Variants in CDH13 observed in about 807,000 individuals in gnomAD.
CDH13 encodes the protein cadherin-13.
A neutral mutation model predicts 63.8 loss-of-function variants in CDH13; 24 were observed. The ratio of observed to expected loss-of-function variants is 0.38; its 90% confidence interval spans 0.27 to 0.53. The LOEUF (loss-of-function observed/expected upper bound fraction) is 0.53. Ranked by LOEUF, CDH13 falls within the 20% of genes least tolerant of loss-of-function variation. The pLI is 0.85. For synonymous variants in CDH13, 503 were observed against 355.3 expected (o/e 1.42, Z -4.67); for missense variants, 1,049 against 903.1 (o/e 1.16, Z -2.07).
chr16:83,003,503 T>C (rs915022287), intron 2 of CDH13, among the ~76,000 whole-genome samples: 6 of 152,198 alleles, frequency 3.9e-5, no homozygotes, highest in African/African-American at 1.4e-4. Context: ...CATATTATCA[T>C]TGATGCAGCT....
At chr16:82,980,326 A>G (rs955311439) in intron 2 of CDH13, among the ~76,000 whole-genome samples, 1 of 152,170 alleles carries the variant, frequency 6.6e-6, no homozygotes, top group African/African-American at 2.4e-5. Context: ...AGAGACTCAC[A>G]GAGTGCTTTG....
chr16:83,695,213 A>C (rs1905260565), intron 10 of CDH13, among the ~76,000 whole-genome samples: 1 of 152,194 alleles, frequency 6.6e-6, no homozygotes, highest in Admixed American at 6.5e-5. Flanking sequence ...TTTCAAAAAA[A>C]AATTATTGCA....
chr16:83,216,327 C>T (rs1428445961), intron 4 of CDH13, among the ~76,000 whole-genome samples: 1 of 143,312 alleles, frequency 7.0e-6, no homozygotes, highest in Admixed American at 7.3e-5. Flanking sequence ...GGCCAGCTTG[C>T]TGACTCATTC....
chr16:83,025,663 G>A (rs375635880), intron 2 of CDH13, among the ~76,000 whole-genome samples: 4 of 152,064 alleles, frequency 2.6e-5, no homozygotes, highest in East Asian at 3.9e-4. Flanking sequence ...ACGTCACAGG[G>A]CTCCTACACA....
intron 7 of CDH13, among the ~76,000 whole-genome samples, chr16:83,536,389 C>T (rs1457308798): frequency 6.6e-6 from 1 of 151,934 alleles, no homozygotes; most frequent in Non-Finnish European, 1.5e-5. Context: ...GGACGTGATC[C>T]TTGGGGTGAA....
At chr16:83,671,681 C>T (rs1420082075) in intron 9 of CDH13, among the ~76,000 whole-genome samples, 1 of 152,168 alleles carries the variant, frequency 6.6e-6, no homozygotes, top group African/African-American at 2.4e-5. Flanking sequence ...ACTTCTTAAT[C>T]TTCCTTAGTG....
At chr16:82,899,205 A>T (rs890189534) in intron 2 of CDH13, among the ~76,000 whole-genome samples, 1 of 152,186 alleles carries the variant, frequency 6.6e-6, no homozygotes, top group African/African-American at 2.4e-5. Flanking sequence ...AGTGTCTGTG[A>T]TGTCAGGTGG....
chr16:83,364,695 T>C (rs1215065149), intron 6 of CDH13, among the ~76,000 whole-genome samples: 2 of 152,204 alleles, frequency 1.3e-5, no homozygotes, highest in Non-Finnish European at 1.5e-5. Context: ...GTTTCTTTTA[T>C]AGATGTTTGT....
chr16:82,750,213 G>T (rs1232354197), intron 1 of CDH13, among the ~76,000 whole-genome samples: 1 of 152,104 alleles, frequency 6.6e-6, no homozygotes, highest in South Asian at 2.1e-4. Context: ...AGATGGTGGG[G>T]GTATCTGTGG....
At chr16:83,561,259 C>A (rs2075702877) in intron 7 of CDH13, among the ~76,000 whole-genome samples, 1 of 151,170 alleles carries the variant, frequency 6.6e-6, no homozygotes, top group Admixed American at 6.6e-5. Context: ...CCAGCCTGAC[C>A]AACATGGAGA....
intron 10 of CDH13, among the ~76,000 whole-genome samples, chr16:83,729,668 A>G (rs1567556666): frequency 6.6e-6 from 1 of 152,318 alleles, no homozygotes; most frequent in East Asian, 1.9e-4. Flanking sequence ...TCCCACCCAC[A>G]TGAAGTTATT....
At chr16:83,488,518 A>G (rs992766912) in intron 7 of CDH13, among the ~76,000 whole-genome samples, 5 of 152,208 alleles carry the variant, frequency 3.3e-5, no homozygotes, top group Non-Finnish European at 7.3e-5. Context: ...GGAAAATGTA[A>G]TCGTTTCTAG....
At chr16:83,466,351 G>C (rs2073315374) in intron 6 of CDH13, among the ~76,000 whole-genome samples, 1 of 152,168 alleles carries the variant, frequency 6.6e-6, no homozygotes, top group Non-Finnish European at 1.5e-5. Flanking sequence ...ATCCAGGCAA[G>C]AGAGTCTAGC....
intron 4 of CDH13, among the ~76,000 whole-genome samples, chr16:83,141,900 G>A (rs2036543977): frequency 6.6e-6 from 1 of 151,968 alleles, no homozygotes; most frequent in African/African-American, 2.4e-5. Flanking sequence ...TTTCACTTTA[G>A]GAGCTCAACT....
chr16:83,793,077 T>C (rs558301310), intron 13 of CDH13, among the ~76,000 whole-genome samples: 1 of 152,154 alleles, frequency 6.6e-6, no homozygotes, highest in African/African-American at 2.4e-5. Flanking sequence ...ACACAGCACA[T>C]GTATACTGAT....
chr16:82,774,666 TC>T (rs1260693079), intron 1 of CDH13, among the ~76,000 whole-genome samples: 1 of 152,242 alleles, frequency 6.6e-6, no homozygotes, highest in Non-Finnish European at 1.5e-5. Context: ...GTTATGGTGT[TC>T]ATTTTCTAGG....
intron 3 of CDH13, among the ~76,000 whole-genome samples, chr16:83,122,825 C>T (rs1352857112): frequency 2.0e-5 from 3 of 152,102 alleles, no homozygotes; most frequent in African/African-American, 4.8e-5. Flanking sequence ...AGGCTTCTTA[C>T]ATGCACACAC....
intron 1 of CDH13, among the ~76,000 whole-genome samples, chr16:82,650,222 C>A (rs975037279): frequency 6.6e-6 from 1 of 152,064 alleles, no homozygotes; most frequent in African/African-American, 2.4e-5. Context: ...AAATGAGGTA[C>A]GTGAGGTTGC....
intron 2 of CDH13, among the ~76,000 whole-genome samples, chr16:82,917,038 A>G (rs2042010722): frequency 6.6e-6 from 1 of 152,252 alleles, no homozygotes; most frequent in Non-Finnish European, 1.5e-5. Flanking sequence ...ATAAGGAGGC[A>G]AATAAAAGGG....
Sources: allele counts gnomAD v4.1 joint callset (sites outside exome capture counted in the v4.1 genomes callset), GRCh38; gene constraint gnomAD v4.1.1; transcripts MANE v1.5; gene names NCBI Gene and HGNC (gene_info 2026-07-23, HGNC 2026-07-21).